The following IL19 variants were observed in gnomAD, a reference collection of about 807,000 sequenced individuals.
IL19 encodes interleukin 19.
In IL19, 15 loss-of-function variants were observed where a neutral mutation model predicts 19.5. The ratio of observed to expected loss-of-function variants is 0.77; its 90% CI spans 0.52 to 1.19. IL19 has a LOEUF of 1.19. Among genes scored for constraint, IL19 ranks in the 50% most tolerant of loss-of-function variants. The probability of loss-of-function intolerance (pLI) is 0.00; values close to 1 mark genes in which losing one functional copy is unlikely to be tolerated. For missense variants in IL19, 199 were observed against 213.1 expected (o/e 0.93, Z 0.41); for synonymous variants, 78 against 78.3 (o/e 1.00, Z 0.02).
chr1:206,818,277 C>T (rs570747155), intron 2 of IL19, among the ~76,000 whole-genome samples: 37 of 152,170 alleles, frequency 2.4e-4, no homozygotes, highest in Non-Finnish European at 4.9e-4. Flanking sequence ...GGCCGATAAA[C>T]TGGAAGTAGC....
chr1:206,784,884 GTGT>G (rs1390067337), intron 1 of IL19, among the ~76,000 whole-genome samples: 1 of 152,256 alleles, frequency 6.6e-6, no homozygotes, highest in East Asian at 1.9e-4. Context: ...CGAGGAGGAA[GTGT>G]TGTTGGTGTA....
At chr1:206,793,328 A>C (rs555246479) in intron 1 of IL19, among the ~76,000 whole-genome samples, 1 of 152,364 alleles carries the variant, frequency 6.6e-6, no homozygotes, top group Admixed American at 6.5e-5. Context: ...TAGGGGCAGC[A>C]CGTGAGCTGG....
chr1:206,788,913 G>A (rs747089560), intron 1 of IL19, among the ~76,000 whole-genome samples: 1 of 152,194 alleles, frequency 6.6e-6, no homozygotes, highest in Non-Finnish European at 1.5e-5. Flanking sequence ...TCTCTGTTGT[G>A]TGGTGCCTGT....
intron 1 of IL19, among the ~76,000 whole-genome samples, chr1:206,794,028 T>C (rs1675465149): frequency 6.6e-6 from 1 of 152,092 alleles, no homozygotes; most frequent in Non-Finnish European, 1.5e-5. Flanking sequence ...TCCAAAGACA[T>C]CTAGGGACTC....
At chr1:206,828,196 C>T (rs960926164) in intron 2 of IL19, among the ~76,000 whole-genome samples, 1 of 152,294 alleles carries the variant, frequency 6.6e-6, no homozygotes, top group African/African-American at 2.4e-5. Flanking sequence ...GGACATCTCC[C>T]ACCAAGCCTG....
In IL19 at chr1:206,772,580, G is replaced by A. The variant is rs966454903; in HGVS notation, c.-149+1502G>A. 67 of 759,720 alleles carry A rather than the reference G, an allele frequency of 8.8e-5. 1 individual carries two copies. The highest frequency in any genetic ancestry group is 7.6e-4 in the South Asian group (47 of 61,950). 47.1% of individuals were successfully genotyped at this position (759,720 alleles called of 1,614,324 possible). Reference sequence around the variant, plus strand: ...TAAAAAGCCACAATCAAGGTTTCCCGGCACAGGATTTTTTCTGCTTAGAGC... The same window carrying A: ...TAAAAAGCCACAATCAAGGTTTCCCAGCACAGGATTTTTTCTGCTTAGAGC... On this transcript the variant is annotated intron_variant, in intron 1 of 6. Transcript: ENST00000659997.
chr1:206,839,824 AG>A (rs745982991), intron 4 of IL19, 25 bp from the exon 5 acceptor site: 2 of 1,591,866 alleles, frequency 1.3e-6, no homozygotes, highest in Non-Finnish European at 1.7e-6. Flanking sequence ...AGAGGCCTCT[AG>A]TGTTTCCCTA....
chr1:206,823,173 A>G (rs984014145), intron 2 of IL19, among the ~76,000 whole-genome samples: 2 of 151,920 alleles, frequency 1.3e-5, no homozygotes, highest in African/African-American at 4.8e-5. Context: ...CAAGTGATCC[A>G]CTAGCCTCGG....
chr1:206,817,841 G>A (rs1676198599), intron 2 of IL19, among the ~76,000 whole-genome samples: 1 of 151,062 alleles, frequency 6.6e-6, no homozygotes, highest in Non-Finnish European at 1.5e-5. Flanking sequence ...TTGTCTCACT[G>A]CAACCTCTGC....
chr1:206,800,941 C>A (rs899056191), intron 2 of IL19, among the ~76,000 whole-genome samples: 5 of 152,148 alleles, frequency 3.3e-5, no homozygotes, highest in African/African-American at 1.2e-4. Context: ...AAACATATTC[C>A]AGAAGGCCTT....
intron 2 of IL19, among the ~76,000 whole-genome samples, chr1:206,829,763 C>A (rs1676539482): frequency 6.6e-6 from 1 of 152,158 alleles, no homozygotes; most frequent in Non-Finnish European, 1.5e-5. Flanking sequence ...ATCCCTCCAT[C>A]CCATCACCAC....
chr1:206,804,288 AG>A lies in IL19; in HGVS notation c.-3+5285del, dbSNP rs34332887. On this transcript the variant is annotated intron_variant, in intron 2 of 6. Coordinates refer to ENST00000659997, the MANE Select transcript of IL19 (RefSeq NM_153758.5). ...AACATCTGTCCGAGTCATGACAAAG[AG>A]GGTTCCTGTGCTGGGAGTGGGGGCT... Among the ~76,000 whole-genome samples, 3 of 152,348 alleles carry A rather than the reference AG, an allele frequency of 2.0e-5. No individual in the cohort carries two copies. The East Asian group carries it at 5.8e-4, about 29-fold the overall frequency.
chr1:206,800,729 TGA>T (rs1028635987), intron 2 of IL19, among the ~76,000 whole-genome samples: 2 of 152,160 alleles, frequency 1.3e-5, no homozygotes, highest in African/African-American at 2.4e-5. Context: ...TGGAGGAAGG[TGA>T]GACATTTAGT....
intron 1 of IL19, chr1:206,772,454 G>A (rs765123366): frequency 6.2e-7 from 1 of 1,613,486 alleles, no homozygotes; most frequent in Non-Finnish European, 8.5e-7. Context: ...TTGCAAGTCT[G>A]TCTTGTGGTT....
At chr1:206,787,283 A>T (rs898825601) in intron 1 of IL19, among the ~76,000 whole-genome samples, 1 of 152,124 alleles carries the variant, frequency 6.6e-6, no homozygotes, top group Non-Finnish European at 1.5e-5. Context: ...TTTCATTTTT[A>T]AAAAAATCCT....
chr1:206,836,532 T>G (rs1676798864), intron 2 of IL19, 129 bp from the exon 3 acceptor site: 3 of 788,778 alleles, frequency 3.8e-6, no homozygotes, highest in Non-Finnish European at 4.1e-6. Flanking sequence ...AAGGCTGAAG[T>G]GTTTAGTGTT....
chr1:206,806,465 T>C (rs1675848368), intron 2 of IL19, among the ~76,000 whole-genome samples: 1 of 152,204 alleles, frequency 6.6e-6, no homozygotes, highest in Non-Finnish European at 1.5e-5. Context: ...TTTTTCAGAT[T>C]TATTTTCCAT....
At chr1:206,828,461 C>T (rs1242750150) in intron 2 of IL19, among the ~76,000 whole-genome samples, 3 of 152,208 alleles carry the variant, frequency 2.0e-5, no homozygotes, top group Non-Finnish European at 2.9e-5. Flanking sequence ...AATAAATTTG[C>T]TTCTTTGTCT....
At chr1:206,788,027 G>A (rs1468593361) in intron 1 of IL19, among the ~76,000 whole-genome samples, 1 of 152,148 alleles carries the variant, frequency 6.6e-6, no homozygotes, top group East Asian at 1.9e-4. Flanking sequence ...AGAGTTCCTG[G>A]GGACCCTGTG....
Sources: gnomAD v4.1 joint callset for allele counts (sites outside exome capture counted in the v4.1 genomes callset) on GRCh38, gnomAD v4.1.1 for gene constraint, MANE v1.5 for transcripts, NCBI Gene and HGNC (gene_info 2026-07-23, HGNC 2026-07-21) for gene names.